The following RASAL2 variants were observed in gnomAD, a reference collection of about 807,000 sequenced individuals.
RASAL2 encodes RAS protein activator like 2.
Under a neutral mutation model 128.9 loss-of-function variants are expected in RASAL2, and 58 were observed. That is an observed-to-expected ratio of 0.45 (90% CI 0.36 to 0.56). The LOEUF (loss-of-function observed/expected upper bound fraction) is 0.56, where lower values mean the gene tolerates loss of function less well. RASAL2 is among the 20% of genes least tolerant of loss of function. RASAL2 has a pLI of 0.00. For synonymous variants in RASAL2, 561 were observed against 580.8 expected (o/e 0.97, Z 0.49); for missense variants, 1,360 against 1,601.6 (o/e 0.85, Z 2.57).
chr1:178,356,649 C>T (rs943100364), intron 3 of RASAL2, among the ~76,000 whole-genome samples: 6 of 152,110 alleles, frequency 3.9e-5, no homozygotes, highest in African/African-American at 7.2e-5. Context: ...GAGATATGCA[C>T]ATTTCAGTGC....
chr1:178,433,564 A>C (rs561395707), intron 5 of RASAL2, among the ~76,000 whole-genome samples: 1 of 151,038 alleles, frequency 6.6e-6, no homozygotes, highest in South Asian at 2.1e-4. Context: ...TCATTTATTC[A>C]ACCAAACGAG....
At chr1:178,412,896 A>G (rs1319795786) in intron 4 of RASAL2, among the ~76,000 whole-genome samples, 2 of 152,048 alleles carry the variant, frequency 1.3e-5, no homozygotes, top group African/African-American at 2.4e-5. Context: ...AATTCCCCTC[A>G]TTTTTCCAGC....
intron 1 of RASAL2, among the ~76,000 whole-genome samples, chr1:178,115,162 T>C (rs1659482261): frequency 6.6e-6 from 1 of 152,236 alleles, no homozygotes; most frequent in African/African-American, 2.4e-5. Context: ...CCAATTTCCT[T>C]AATAGATATA....
At chr1:178,194,794 C>G (rs1194784586) in intron 1 of RASAL2, 3 of 152,760 alleles carry the variant, frequency 2.0e-5, no homozygotes, top group Non-Finnish European at 4.4e-5. Flanking sequence ...AGATGCTCCT[C>G]CGATGAATGA....
chr1:178,243,349 C>T (rs1303074878), intron 1 of RASAL2, among the ~76,000 whole-genome samples: 2 of 152,094 alleles, frequency 1.3e-5, no homozygotes, highest in African/African-American at 4.8e-5. Context: ...ATCTCTGGCC[C>T]ATTGGGGAAA....
rs74131348 is a variant in RASAL2, at chr1:178,422,650, G to A, written c.674+2030G>A. Among the ~76,000 whole-genome samples the A allele has an allele frequency of 5.5e-3, 843 of 152,144 alleles. 9 individuals carry two copies. Among genetic ancestry groups the A allele is most frequent in the African/African-American group, 0.019 (788 of 41,538 alleles). ...GATCAGCTGAGTTCTTTGAATTAGTGCCCTTATAGGTGTGACCAAGTATTT... is the reference window on the plus strand; with the variant it reads ...GATCAGCTGAGTTCTTTGAATTAGTACCCTTATAGGTGTGACCAAGTATTT... On this transcript the variant is annotated intron_variant, in intron 5 of 17. Transcript: ENST00000367649.
chr1:178,460,341 A>G (rs1387044425), intron 14 of RASAL2, among the ~76,000 whole-genome samples: 1 of 151,962 alleles, frequency 6.6e-6, no homozygotes, highest in African/African-American at 2.4e-5. Flanking sequence ...CTTCTGTATC[A>G]TGGAGGGCCT....
chr1:178,369,811 T>G (rs1434157735), intron 3 of RASAL2, among the ~76,000 whole-genome samples: 1 of 152,186 alleles, frequency 6.6e-6, no homozygotes, highest in Non-Finnish European at 1.5e-5. Flanking sequence ...GCATTAAAAT[T>G]TTTTAAAAAC....
intron 1 of RASAL2, among the ~76,000 whole-genome samples, chr1:178,211,974 G>A (rs755138392): frequency 4.6e-5 from 7 of 152,156 alleles, no homozygotes; most frequent in Non-Finnish European, 1.0e-4. Context: ...AAAAATGTCA[G>A]TTGAGGTCCC....
chr1:178,470,379 G>A (rs1404533579), intron 17 of RASAL2, among the ~76,000 whole-genome samples: 1 of 152,182 alleles, frequency 6.6e-6, no homozygotes, highest in Non-Finnish European at 1.5e-5. Flanking sequence ...ACAAGGCACA[G>A]GCCTGCATCA....
In RASAL2 at chr1:178,332,613, C is replaced by CT. The variant is rs72401422; in HGVS notation, c.457+32511dup. 5.3e-3 allele frequency among the ~76,000 whole-genome samples: 715 copies of CT among 136,082 alleles called. 3 individuals are homozygous for CT. The highest frequency in any genetic ancestry group is 0.011 in the East Asian group (52 of 4,766). 89.3% of individuals were successfully genotyped at this position (136,082 alleles called of 152,430 possible). On this transcript the variant is annotated intron_variant, in intron 3 of 17. Coordinates refer to ENST00000367649, the MANE Select transcript of RASAL2 (RefSeq NM_170692.4). ...GAGGGAGAAAAAATTGTCTCCAATT[C>CT]TTTTTTTTTTTTTTTTGAGACGGAG...
intron 8 of RASAL2, among the ~76,000 whole-genome samples, chr1:178,444,589 AT>A (rs1300479616): frequency 6.6e-6 from 1 of 152,194 alleles, no homozygotes; most frequent in African/African-American, 2.4e-5. Context: ...AACAACCAAC[AT>A]TGAGCTTTAC....
At chr1:178,274,828 G>A (rs1666420031) in intron 1 of RASAL2, among the ~76,000 whole-genome samples, 1 of 152,022 alleles carries the variant, frequency 6.6e-6, no homozygotes, top group East Asian at 1.9e-4. Context: ...GGAGCTCAAA[G>A]GATCCTCCTG....
intron 3 of RASAL2, among the ~76,000 whole-genome samples, chr1:178,321,735 T>A (rs1668792315): frequency 6.6e-6 from 1 of 151,904 alleles, no homozygotes; most frequent in Admixed American, 6.6e-5. Flanking sequence ...ACATCTGTAA[T>A]CCCAGCACTT....
intron 3 of RASAL2, among the ~76,000 whole-genome samples, chr1:178,345,721 T>C (rs1670117543): frequency 6.6e-6 from 1 of 151,964 alleles, no homozygotes; most frequent in South Asian, 2.1e-4. Context: ...GGTAAATAAG[T>C]GAAGTGAAAT....
chr1:178,249,450 G>C (rs1480654009), intron 1 of RASAL2, among the ~76,000 whole-genome samples: 1 of 151,806 alleles, frequency 6.6e-6, no homozygotes, highest in Non-Finnish European at 1.5e-5. Context: ...GTAACCTTTT[G>C]TCAAGGTTCT....
chr1:178,452,691 T>TA, intron 11 of RASAL2, 39 bp downstream of exon 11: 1 of 1,533,392 alleles, frequency 6.5e-7, no homozygotes, highest in Admixed American at 1.7e-5. Context: ...AAACACAGTT[T>TA]AAAAAATACT....
chr1:178,123,462 C>A (rs1466297287), intron 1 of RASAL2, among the ~76,000 whole-genome samples: 1 of 152,068 alleles, frequency 6.6e-6, no homozygotes, highest in East Asian at 1.9e-4. Flanking sequence ...TTTTGTTTAA[C>A]CAAAGTAGAA....
chr1:178,297,475 C>T (rs565991692), intron 2 of RASAL2, among the ~76,000 whole-genome samples: 14 of 151,226 alleles, frequency 9.3e-5, no homozygotes, highest in African/African-American at 1.5e-4. Context: ...GGCGTGGTGG[C>T]GGGCACCTGT....
Sources: allele counts gnomAD v4.1 joint callset (sites outside exome capture counted in the v4.1 genomes callset), GRCh38; gene constraint gnomAD v4.1.1; transcripts MANE v1.5; gene names NCBI Gene and HGNC (gene_info 2026-07-23, HGNC 2026-07-21).